The following GLIS3 variants were observed in gnomAD, a reference collection of about 807,000 sequenced individuals.
GLIS3 encodes zinc finger protein GLIS3.
A neutral mutation model predicts 78.6 loss-of-function variants in GLIS3; 53 were observed. That is an observed-to-expected ratio of 0.67 (90% CI 0.54 to 0.85). GLIS3 has a LOEUF of 0.85. GLIS3 is among the 40% of genes least tolerant of loss of function. The pLI is 0.00. For missense variants in GLIS3, 1,703 were observed against 1,231.1 expected (o/e 1.38, Z -5.74); for synonymous variants, 684 against 509.9 (o/e 1.34, Z -4.60).
At chr9:4,230,109 C>A (rs1822123698) in intron 2 of GLIS3, among the ~76,000 whole-genome samples, 1 of 152,196 alleles carries the variant, frequency 6.6e-6, no homozygotes, top group African/African-American at 2.4e-5. Context: ...TGGTATAGGT[C>A]AGGTCAAGTC....
In GLIS3 at chr9:4,125,742, T is replaced by TTGA; in HGVS notation, c.587_588insTCA (p.Ser196_Asp197insGln). 6.2e-7 allele frequency: 1 copy of TTGA among 1,613,176 alleles called. No homozygotes were observed. The highest frequency in any genetic ancestry group is 2.2e-5 in the East Asian group (1 of 44,878). ...AAAAGTTAACTTGAGACCTGGTATC[T>TTGA]GAAGGAGGTATATTCAGGTTGGCTG... On this transcript the variant is annotated inframe_insertion, in exon 3 of 11. Transcript: ENST00000381971.
chr9:4,268,012 CAT>C (rs1288878577), intron 2 of GLIS3, among the ~76,000 whole-genome samples: 5 of 147,778 alleles, frequency 3.4e-5, no homozygotes, highest in East Asian at 2.0e-4. Flanking sequence ...TGAATATATA[CAT>C]AGATGTGTAT....
chr9:4,009,765 G>A (rs962722954), intron 4 of GLIS3, among the ~76,000 whole-genome samples: 9 of 152,230 alleles, frequency 5.9e-5, no homozygotes, highest in Non-Finnish European at 1.3e-4. Context: ...CTCAGGCACA[G>A]GAAAAGCCTC....
intron 10 of GLIS3, 23 bp downstream of exon 10, chr9:3,829,287 T>G (rs1368818689): frequency 6.2e-7 from 1 of 1,611,558 alleles, no homozygotes; most frequent in South Asian, 1.1e-5. Context: ...CAGGATTTTC[T>G]AAGTCACAGA....
chr9:4,047,368 G>A (rs967045429), intron 4 of GLIS3, among the ~76,000 whole-genome samples: 3 of 151,960 alleles, frequency 2.0e-5, no homozygotes, highest in South Asian at 2.1e-4. Context: ...GTGTGAAAAC[G>A]GACTAATACA....
intron 2 of GLIS3, among the ~76,000 whole-genome samples, chr9:4,334,810 C>T (rs1375881136): frequency 6.6e-6 from 1 of 152,038 alleles, no homozygotes; most frequent in Admixed American, 6.6e-5. Context: ...GTACTCTGAC[C>T]TTTAAAAGCA....
chr9:4,112,035 T>C (rs997450097), intron 4 of GLIS3, among the ~76,000 whole-genome samples: 18 of 152,230 alleles, frequency 1.2e-4, no homozygotes, highest in Non-Finnish European at 1.5e-5. Flanking sequence ...AAAGTCTGCA[T>C]TGTGTTTGGA....
chr9:3,881,876 TA>T (rs755180570), intron 7 of GLIS3, among the ~76,000 whole-genome samples: 1 of 152,238 alleles, frequency 6.6e-6, no homozygotes, highest in Non-Finnish European at 1.5e-5. Flanking sequence ...AAAAGCACTT[TA>T]ATGCACTCAT....
At position 4,011,508 on chromosome 9, in the gene GLIS3, A is replaced by C. The variant is rs1822009123; in HGVS notation, c.1711-74319T>G. Among the ~76,000 whole-genome samples, 3 of 152,154 alleles carry C rather than the reference A, an allele frequency of 2.0e-5. No individual in the cohort carries two copies. The South Asian group carries it at 6.2e-4, about 32-fold the overall frequency. Reference sequence around the variant, plus strand: ...TGTTGGACTGTGTGGTGTGCACGGTACCCTCATTGATTCACAGAGATGTAC... The same window carrying C: ...TGTTGGACTGTGTGGTGTGCACGGTCCCCTCATTGATTCACAGAGATGTAC... On this transcript the variant is annotated intron_variant, in intron 4 of 10. Coordinates refer to ENST00000381971, the MANE Select transcript of GLIS3 (RefSeq NM_001042413.2).
rs539656756 is a variant in GLIS3 at position 4,336,965 on chromosome 9, G to A, written n.264+10116C>T. 1.3e-4 allele frequency among the ~76,000 whole-genome samples: 20 copies of A among 152,288 alleles called. No individual in the cohort carries two copies. In the East Asian group the frequency reaches 1.5e-3, roughly 12 times the overall value. ...AGATCAAGTAAATGGACAATTTCCA[G>A]AGGACAGAATATAAATGACTAATAA... On this transcript the variant is annotated intron_variant and non_coding_transcript_variant, in intron 2 of 4. Coordinates refer to the GLIS3 transcript ENST00000471664.
At chr9:4,277,274 T>TA (rs1395976994) in intron 2 of GLIS3, among the ~76,000 whole-genome samples, 35 of 152,276 alleles carry the variant, frequency 2.3e-4, no homozygotes, top group African/African-American at 8.4e-4. Flanking sequence ...CAGTGTATTT[T>TA]AAAATCTATG....
intron 8 of GLIS3, among the ~76,000 whole-genome samples, chr9:3,860,921 C>T (rs747910101): frequency 3.9e-5 from 6 of 152,036 alleles, no homozygotes; most frequent in Non-Finnish European, 8.8e-5. Context: ...GGGAGACAGG[C>T]AGTGAAGAAA....
chr9:4,287,772 T>C (rs897018227), intron 1 of GLIS3, among the ~76,000 whole-genome samples: 5 of 152,226 alleles, frequency 3.3e-5, no homozygotes, highest in African/African-American at 1.2e-4. Flanking sequence ...GAAACACTTT[T>C]TGTGAAGAGT....
intron 2 of GLIS3, among the ~76,000 whole-genome samples, chr9:4,201,908 G>A (rs1464293586): frequency 1.3e-5 from 2 of 152,128 alleles, no homozygotes; most frequent in Non-Finnish European, 2.9e-5. Context: ...GGCCGAGGCA[G>A]GAAGTTCACC....
chr9:4,233,928 T>C (rs1450182127), intron 2 of GLIS3, among the ~76,000 whole-genome samples: 2 of 152,222 alleles, frequency 1.3e-5, no homozygotes, highest in Admixed American at 1.3e-4. Context: ...TTTTATCTTA[T>C]GGAGACAGCT....
chr9:4,246,250 A>T (rs991690000), intron 2 of GLIS3, among the ~76,000 whole-genome samples: 1 of 152,190 alleles, frequency 6.6e-6, no homozygotes, highest in African/African-American at 2.4e-5. Flanking sequence ...AAACAAATTA[A>T]ACACAATTTT....
At chr9:3,954,696 T>C (rs1816967276) in intron 4 of GLIS3, among the ~76,000 whole-genome samples, 1 of 152,186 alleles carries the variant, frequency 6.6e-6, no homozygotes, top group Non-Finnish European at 1.5e-5. Flanking sequence ...CCTGTTTATT[T>C]AGAAAAAAAG....
At chr9:4,207,226 C>T (rs1353115113) in intron 2 of GLIS3, among the ~76,000 whole-genome samples, 2 of 152,202 alleles carry the variant, frequency 1.3e-5, no homozygotes, top group Non-Finnish European at 2.9e-5. Context: ...GCTGAAGCTG[C>T]CCCCTTCGTC....
chr9:4,358,421 T>C, the GLIS3 span, among the ~76,000 whole-genome samples: 1 of 152,202 alleles, frequency 6.6e-6, no homozygotes, highest in South Asian at 2.1e-4. Flanking sequence ...GAAATGTTCA[T>C]TGTCCAGTGA....
Sources: allele counts gnomAD v4.1 joint callset (sites outside exome capture counted in the v4.1 genomes callset), GRCh38; gene constraint gnomAD v4.1.1; transcripts MANE v1.5; gene names NCBI Gene and HGNC (gene_info 2026-07-23, HGNC 2026-07-21).